Variants in STAG1 observed in about 807,000 individuals in gnomAD.
STAG1 encodes cohesin subunit SA-1.
Under a neutral mutation model 170.9 loss-of-function variants are expected in STAG1, and 26 were observed. The observed-to-expected ratio is 0.15, with a 90% CI of 0.11 to 0.21. The LOEUF is 0.21. STAG1 is among the 10% of genes least tolerant of loss of function. The pLI, the probability that STAG1 is intolerant of heterozygous loss-of-function variation, is 1.00. For synonymous variants in STAG1, 514 were observed against 497.7 expected (o/e 1.03, Z -0.44); for missense variants, 964 against 1,509.5 (o/e 0.64, Z 5.99).
intron 6 of STAG1, among the ~76,000 whole-genome samples, chr3:136,538,246 T>C (rs1234807664): frequency 6.6e-6 from 1 of 152,180 alleles, no homozygotes; most frequent in East Asian, 1.9e-4. Context: ...AATATGCATA[T>C]GCTGCAAAGT....
chr3:136,728,129 G>A (rs958619524), intron 1 of STAG1, among the ~76,000 whole-genome samples: 13 of 151,880 alleles, frequency 8.6e-5, no homozygotes, highest in Non-Finnish European at 1.5e-4. Flanking sequence ...ATGCACTCCA[G>A]CCTGGGCAAC....
At chr3:136,663,217 T>C (rs963686751) in intron 1 of STAG1, among the ~76,000 whole-genome samples, 2 of 152,124 alleles carry the variant, frequency 1.3e-5, no homozygotes, top group Admixed American at 6.5e-5. Flanking sequence ...AGTATAGTTA[T>C]GATGATGATG....
At chr3:136,366,481 A>G (rs1008798816) in intron 25 of STAG1, among the ~76,000 whole-genome samples, 3 of 152,178 alleles carry the variant, frequency 2.0e-5, no homozygotes, top group Admixed American at 6.6e-5. Flanking sequence ...GCATAATATG[A>G]TAAATCAGCT....
chr3:136,556,577 T>TTTG (rs1553745183), intron 5 of STAG1, among the ~76,000 whole-genome samples: 7 of 152,058 alleles, frequency 4.6e-5, no homozygotes, highest in African/African-American at 9.7e-5. Context: ...TTCGTTTTTT[T>TTTG]TTTGTTTGTT....
rs540970438 is a variant in STAG1, at chr3:136,659,690, T to C, written c.-83-28709A>G. Among the ~76,000 whole-genome samples, 9 of 152,330 alleles carry C rather than the reference T, an allele frequency of 5.9e-5. No individual in the cohort carries two copies. In the South Asian group the frequency reaches 1.9e-3, roughly 32 times the overall value. ...ATGGTTTGTAAATTACTAAATGAAG[T>C]CTATAATTAATGACAGAATAGTTGA... is the stretch of plus-strand genomic sequence containing the variant. On this transcript the variant is annotated intron_variant, in intron 1 of 33. Transcript: ENST00000383202.
intron 1 of STAG1, among the ~76,000 whole-genome samples, chr3:136,747,268 T>TC (rs1381852971): frequency 2.4e-5 from 3 of 127,640 alleles, no homozygotes; most frequent in African/African-American, 9.0e-5. Context: ...GCAAGACTCG[T>TC]CCCAAAAAAA....
intron 1 of STAG1, among the ~76,000 whole-genome samples, chr3:136,677,116 C>A (rs1295656176): frequency 6.6e-6 from 1 of 152,128 alleles, no homozygotes; most frequent in Non-Finnish European, 1.5e-5. Flanking sequence ...TAGGAGTACA[C>A]TCTAAAATAA....
chr3:136,426,151 T>TA (rs1277731897), intron 16 of STAG1, among the ~76,000 whole-genome samples: 1 of 151,218 alleles, frequency 6.6e-6, no homozygotes, highest in East Asian at 1.9e-4. Context: ...CTCATGCCTG[T>TA]AATCCCAGCA....
intron 6 of STAG1, among the ~76,000 whole-genome samples, chr3:136,526,175 T>C (rs528483203): frequency 9.2e-5 from 14 of 152,240 alleles, no homozygotes; most frequent in Admixed American, 1.3e-4. Flanking sequence ...CTCATCGATC[T>C]GTCTAATGTT....
rs957022637 is a variant in STAG1 at position 136,469,906 on chromosome 3, T to C, written c.1205+2507A>G. On this transcript the variant is annotated intron_variant, in intron 12 of 33. Transcript: ENST00000383202. ...GGGAAAGGATTCCCTATTTAATGAATGGTGCTGGGAAAACTGGCTAGCCAC... is the reference window on the plus strand; with the variant it reads ...GGGAAAGGATTCCCTATTTAATGAACGGTGCTGGGAAAACTGGCTAGCCAC... 5.3e-5 allele frequency among the ~76,000 whole-genome samples: 8 copies of C among 152,344 alleles called. No homozygotes were observed. In the South Asian group the frequency reaches 8.3e-4, roughly 16 times the overall value.
chr3:136,449,105 C>T (rs1403760105), intron 14 of STAG1, among the ~76,000 whole-genome samples: 1 of 152,110 alleles, frequency 6.6e-6, no homozygotes, highest in Non-Finnish European at 1.5e-5. Flanking sequence ...AAGCATTCAT[C>T]CTAGGTGTAC....
chr3:136,710,233 A>G (rs1943344617), intron 1 of STAG1, among the ~76,000 whole-genome samples: 1 of 152,096 alleles, frequency 6.6e-6, no homozygotes. Context: ...AGTTCACCCA[A>G]ACACAATTCC....
At chr3:136,672,595 A>G (rs1042611702) in intron 1 of STAG1, among the ~76,000 whole-genome samples, 5 of 152,202 alleles carry the variant, frequency 3.3e-5, no homozygotes, top group Non-Finnish European at 5.9e-5. Context: ...GCTGCCACAA[A>G]ACACAAAAAT....
chr3:136,431,911 T>C (rs1170662526), intron 16 of STAG1, among the ~76,000 whole-genome samples: 1 of 152,232 alleles, frequency 6.6e-6, no homozygotes, highest in Non-Finnish European at 1.5e-5. Context: ...TTATTTTATT[T>C]GGATTTTGTT....
intron 20 of STAG1, among the ~76,000 whole-genome samples, chr3:136,418,921 G>A (rs777714678): frequency 5.3e-5 from 8 of 152,082 alleles, no homozygotes; most frequent in Non-Finnish European, 1.2e-4. Context: ...GATTATAGGT[G>A]TGAGCCACCG....
intron 22 of STAG1, among the ~76,000 whole-genome samples, chr3:136,384,624 G>A (rs2086817220): frequency 6.6e-6 from 1 of 152,016 alleles, no homozygotes; most frequent in Non-Finnish European, 1.5e-5. Flanking sequence ...CAAAAAATTA[G>A]CCAGACGTGA....
intron 6 of STAG1, among the ~76,000 whole-genome samples, chr3:136,522,646 T>C (rs1328701868): frequency 2.6e-5 from 4 of 152,182 alleles, no homozygotes; most frequent in African/African-American, 7.2e-5. Flanking sequence ...TGTATACATG[T>C]GTCATGTTGG....
At chr3:136,524,386 GCTCT>G (rs1448695611) in intron 6 of STAG1, among the ~76,000 whole-genome samples, 100 of 152,116 alleles carry the variant, frequency 6.6e-4, no homozygotes, top group African/African-American at 2.3e-3. Flanking sequence ...TCATGATTTG[GCTCT>G]CTGTTTGTCT....
chr3:136,685,052 C>T (rs751237199), intron 1 of STAG1, among the ~76,000 whole-genome samples: 4 of 152,092 alleles, frequency 2.6e-5, no homozygotes, highest in African/African-American at 7.2e-5. Context: ...CGGTGGCTCA[C>T]GCCTGTAATC....
Sources: allele counts gnomAD v4.1 joint callset (sites outside exome capture counted in the v4.1 genomes callset), GRCh38; gene constraint gnomAD v4.1.1; transcripts MANE v1.5; gene names NCBI Gene and HGNC (gene_info 2026-07-23, HGNC 2026-07-21).